The following MBTPS1 variants were observed in gnomAD, a reference collection of about 807,000 sequenced individuals.
MBTPS1 encodes the protein membrane bound transcription factor peptidase, site 1.
Under a neutral mutation model 127.8 loss-of-function variants are expected in MBTPS1, and 94 were observed. That is an observed-to-expected ratio of 0.74 (90% confidence interval 0.62 to 0.87). The LOEUF (loss-of-function observed/expected upper bound fraction) is 0.87. Among genes scored for constraint, MBTPS1 ranks in the 40% least tolerant of loss-of-function variants. The pLI is 0.00. For missense variants in MBTPS1, 1,636 were observed against 1,353.2 expected, an observed-to-expected ratio of 1.21 and a Z score of -3.28; for synonymous variants, 632 against 509.4, an observed-to-expected ratio of 1.24 and a Z score of -3.24.
chr16:84,113,955 CTTTT>C (rs57658435), intron 1 of MBTPS1, among the ~76,000 whole-genome samples: 28 of 137,066 alleles, frequency 2.0e-4, no homozygotes, highest in African/African-American at 4.0e-4. Flanking sequence ...GGTGTCTTCC[CTTTT>C]TTTTTTTTTT....
chr16:84,058,923 G>A (rs1347272719), intron 21 of MBTPS1, among the ~76,000 whole-genome samples: 1 of 152,182 alleles, frequency 6.6e-6, no homozygotes, highest in African/African-American at 2.4e-5. Context: ...GGGGATGACA[G>A]AAGAAGGGAA....
At position 84,066,494 on chromosome 16, in the gene MBTPS1, T is replaced by C. The variant is rs1597309830; in HGVS notation, c.2348A>G (p.His783Arg). ...CTCAGGAAACAGAGCCTTACTGTCA[T>C]GGTTGGCCAGGGTGAACTCCCCTTC... ...LYEGEFTLAN[H>R]DMYYASGCSI... Residue 783 changes from histidine (H) to arginine (R), a missense_variant, in exon 17 of 23, where the codon CAT becomes CGT. Coordinates refer to ENST00000343411, the MANE Select transcript of MBTPS1 (RefSeq NM_003791.4). 1 of 1,614,058 alleles carries C rather than the reference T, an allele frequency of 6.2e-7. No individual in the cohort carries two copies. The highest frequency in any genetic ancestry group is 8.5e-7 in the Non-Finnish European group (1 of 1,179,962).
chr16:84,067,424 C>A (rs1036980180), intron 16 of MBTPS1, among the ~76,000 whole-genome samples: 6 of 152,196 alleles, frequency 3.9e-5, no homozygotes, highest in African/African-American at 1.4e-4. Context: ...TTGATCTCAG[C>A]TCACTGCAGC....
intron 1 of MBTPS1, among the ~76,000 whole-genome samples, chr16:84,109,018 C>T (rs1455378593): frequency 6.6e-6 from 1 of 152,264 alleles, no homozygotes; most frequent in Admixed American, 6.5e-5. Flanking sequence ...GTGCTACACA[C>T]ATTTCCTAGC....
At chr16:84,060,531 G>C in intron 20 of MBTPS1, 151 bp downstream of exon 20, 1 of 803,114 alleles carries the variant, frequency 1.2e-6, no homozygotes, top group Admixed American at 2.8e-5. Context: ...TAGAGCCGCT[G>C]AGTGCTGCTC....
intron 3 of MBTPS1, among the ~76,000 whole-genome samples, chr16:84,097,207 G>A (rs1488293832): frequency 6.6e-6 from 1 of 152,202 alleles, no homozygotes. Context: ...GATGCAGAGT[G>A]AGAATGGTGT....
intron 13 of MBTPS1, 143 bp downstream of exon 13, chr16:84,070,445 T>C: frequency 1.2e-6 from 1 of 813,018 alleles, no homozygotes; most frequent in Middle Eastern, 3.6e-4. Context: ...CCGGAGGCCC[T>C]GGAACCATCA....
chr16:84,099,111 T>C lies in MBTPS1; in HGVS notation c.363A>G (p.Pro121=), dbSNP rs778933538. 2.2e-5 allele frequency: 36 copies of C among 1,614,092 alleles called. No individual in the cohort carries two copies. Among genetic ancestry groups the C allele is most frequent in the Non-Finnish European group, 2.7e-5 (32 of 1,180,042 alleles). Residue 121 remains proline, a synonymous_variant, in exon 3 of 23, where the codon CCA becomes CCG. Coordinates refer to ENST00000343411, the MANE Select transcript of MBTPS1 (RefSeq NM_003791.4). Reference sequence around the variant, plus strand: ...GTTGGGGCGTGACCCGTTTGATGTTTGGATGATCTTCAAGTGTTAGCAGCC... The same window carrying C: ...GTTGGGGCGTGACCCGTTTGATGTTCGGATGATCTTCAAGTGTTAGCAGCC... ...KAGLLTLEDH[P]NIKRVTPQRK... is the part of the protein sequence containing the mutation.
Position 84,054,210 on chromosome 16 carries a change from G to A in MBTPS1, c.*239C>T, listed in dbSNP as rs141059846. On this transcript the variant is annotated 3_prime_UTR_variant, in exon 23 of 23. Transcript: ENST00000343411. Reference sequence around the variant, plus strand: ...GTCTTTGGTGCGCACAGCTGCCGGCGGGAAGTCTCACTGGCGGCAGAGCCA... The same window carrying A: ...GTCTTTGGTGCGCACAGCTGCCGGCAGGAAGTCTCACTGGCGGCAGAGCCA... 173 of 361,546 alleles carry A rather than the reference G, an allele frequency of 4.8e-4. 2 individuals are homozygous for A. The highest frequency in any genetic ancestry group is 3.5e-3 in the African/African-American group (166 of 47,844). 22.4% of individuals were successfully genotyped at this position (361,546 alleles called of 1,614,324 possible).
At chr16:84,101,353 C>T (rs1477610102) in intron 2 of MBTPS1, among the ~76,000 whole-genome samples, 3 of 151,418 alleles carry the variant, frequency 2.0e-5, no homozygotes, top group East Asian at 1.9e-4. Flanking sequence ...TAGCCAGGGA[C>T]GGTGGCAGTC....
intron 11 of MBTPS1, among the ~76,000 whole-genome samples, chr16:84,081,143 G>A (rs928065346): frequency 3.3e-5 from 5 of 152,232 alleles, no homozygotes; most frequent in African/African-American, 1.2e-4. Context: ...CGCTCATACT[G>A]AGGTTATGGA....
chr16:84,083,637 T>A (rs2085974199), intron 10 of MBTPS1, among the ~76,000 whole-genome samples: 1 of 152,136 alleles, frequency 6.6e-6, no homozygotes, highest in Admixed American at 6.5e-5. Context: ...ATATCTGGCA[T>A]CAGAAGCTGA....
intron 1 of MBTPS1, among the ~76,000 whole-genome samples, chr16:84,116,301 G>C (rs1232345070): frequency 6.6e-6 from 1 of 152,224 alleles, no homozygotes; most frequent in African/African-American, 2.4e-5. Context: ...ATCTGGTTCT[G>C]AGAGTTCGCC....
At chr16:84,105,697 G>A (rs1346369826) in intron 1 of MBTPS1, among the ~76,000 whole-genome samples, 1 of 152,122 alleles carries the variant, frequency 6.6e-6, no homozygotes, top group Non-Finnish European at 1.5e-5. Flanking sequence ...AGGACCTCAA[G>A]CAGGTACACC....
intron 10 of MBTPS1, 27 bp from the exon 11 acceptor site, chr16:84,081,935 T>A: frequency 7.4e-7 from 1 of 1,348,738 alleles, no homozygotes; most frequent in Non-Finnish European, 9.6e-7. Flanking sequence ...GAATTGCCTA[T>A]TTTCTCTCAG....
intron 21 of MBTPS1, chr16:84,057,166 A>T (rs1429333410): frequency 6.6e-6 from 1 of 152,238 alleles, no homozygotes; most frequent in East Asian, 1.9e-4. Flanking sequence ...CTCCCACTCG[A>T]TACTCCCAGC....
intron 11 of MBTPS1, chr16:84,075,341 A>T (rs920451826): frequency 1.3e-5 from 2 of 152,224 alleles, no homozygotes; most frequent in Non-Finnish European, 2.9e-5. Context: ...GGGGACCCTG[A>T]CATAATTTGT....
intron 2 of MBTPS1, among the ~76,000 whole-genome samples, chr16:84,100,955 A>G (rs1409756019): frequency 1.4e-5 from 2 of 146,968 alleles, no homozygotes; most frequent in Non-Finnish European, 3.0e-5. Context: ...GGAGTTCAAG[A>G]CCAGCCTGGC....
intron 1 of MBTPS1, among the ~76,000 whole-genome samples, chr16:84,105,862 A>T (rs1280269721): frequency 6.6e-6 from 1 of 152,206 alleles, no homozygotes; most frequent in African/African-American, 2.4e-5. Context: ...CTGTTCTAGG[A>T]GTAGGGATAG....
Sources: allele counts gnomAD v4.1 joint callset (sites outside exome capture counted in the v4.1 genomes callset), GRCh38; gene constraint gnomAD v4.1.1; transcripts MANE v1.5; gene names NCBI Gene and HGNC (gene_info 2026-07-23, HGNC 2026-07-21).